CCDC73: variants seen among roughly 807,000 people sequenced by gnomAD.
CCDC73 encodes the protein coiled-coil domain-containing protein 73.
In CCDC73, 95 loss-of-function variants were observed where a neutral mutation model predicts 116.5. The ratio of observed to expected loss-of-function variants is 0.82; its 90% CI spans 0.69 to 0.97. The LOEUF is 0.97. Among genes scored for constraint, CCDC73 ranks in the 50% least tolerant of loss-of-function variants. The pLI is 0.00. For synonymous variants in CCDC73, 398 were observed against 401.3 expected (o/e 0.99, Z 0.10); for missense variants, 1,066 against 1,206.8 (o/e 0.88, Z 1.73).
upstream of CCDC73, among the ~76,000 whole-genome samples, chr11:32,794,830 A>C (rs946678308): frequency 1.3e-5 from 2 of 151,656 alleles, no homozygotes; most frequent in Admixed American, 6.6e-5. Context: ...GTATTGGCTT[A>C]TATATTCTTT....
At chr11:32,625,893 G>C (rs1047402233) in intron 14 of CCDC73, among the ~76,000 whole-genome samples, 2 of 149,108 alleles carry the variant, frequency 1.3e-5, no homozygotes, top group East Asian at 3.9e-4. Flanking sequence ...GGCAAAAACT[G>C]GAAGCATTCC....
the CCDC73 span, among the ~76,000 whole-genome samples, chr11:32,812,210 G>A: frequency 6.6e-6 from 1 of 152,184 alleles, no homozygotes; most frequent in Non-Finnish European, 1.5e-5. Context: ...CTCATCAACA[G>A]TAGTTTTATT....
chr11:32,641,947 A>G, intron 13 of CCDC73, 25 bp downstream of exon 13: 1 of 1,364,888 alleles, frequency 7.3e-7, no homozygotes, highest in Middle Eastern at 2.6e-4. Context: ...AAATATTTTA[A>G]TATTTTTCTA....
At chr11:32,604,760 CT>C (rs1855323743) in intron 17 of CCDC73, 1 of 152,124 alleles carries the variant, frequency 6.6e-6, no homozygotes, top group Non-Finnish European at 1.5e-5. Context: ...TCTTTGGGTA[CT>C]GCCTTACATT....
intron 2 of CCDC73, among the ~76,000 whole-genome samples, chr11:32,732,867 GC>G (rs544876245): frequency 7.9e-4 from 121 of 152,210 alleles, no homozygotes; most frequent in African/African-American, 2.7e-3. Context: ...CAACTAAGAA[GC>G]AAAATAACCA....
chr11:32,786,313 A>G (rs974945319), intron 1 of CCDC73, among the ~76,000 whole-genome samples: 1 of 148,242 alleles, frequency 6.7e-6, no homozygotes, highest in Non-Finnish European at 1.5e-5. Context: ...ATAGTAATTT[A>G]TAACAATAAA....
chr11:32,700,079 G>C (rs1849799115), intron 5 of CCDC73, among the ~76,000 whole-genome samples: 1 of 151,596 alleles, frequency 6.6e-6, no homozygotes, highest in East Asian at 1.9e-4. Context: ...TTTATCAGTA[G>C]AGCATCCTAC....
chr11:32,629,257 A>C (rs918939825), intron 14 of CCDC73, among the ~76,000 whole-genome samples: 1 of 152,150 alleles, frequency 6.6e-6, no homozygotes, highest in African/African-American at 2.4e-5. Flanking sequence ...GAAATGACCA[A>C]AACTTCTCCA....
intron 9 of CCDC73, among the ~76,000 whole-genome samples, chr11:32,658,030 A>AG (rs1855890219): frequency 1.3e-5 from 2 of 151,796 alleles, no homozygotes; most frequent in South Asian, 4.2e-4. Flanking sequence ...CTTTAAAAAA[A>AG]AAAAAGAAAA....
At chr11:32,633,107 G>C (rs1159906520) in intron 14 of CCDC73, among the ~76,000 whole-genome samples, 1 of 152,160 alleles carries the variant, frequency 6.6e-6, no homozygotes, top group Non-Finnish European at 1.5e-5. Context: ...AGGCTGGAGT[G>C]CAGTGGCACG....
chr11:32,806,239 T>A, the CCDC73 span, among the ~76,000 whole-genome samples: 1 of 152,248 alleles, frequency 6.6e-6, no homozygotes, highest in Non-Finnish European at 1.5e-5. Context: ...TAGCTATTTT[T>A]GTGAAAGCCA....
intron 6 of CCDC73, among the ~76,000 whole-genome samples, chr11:32,697,628 C>T (rs1489128505): frequency 1.3e-5 from 2 of 151,628 alleles, no homozygotes; most frequent in Admixed American, 6.6e-5. Context: ...GGACTAGAGG[C>T]GCCTGCCACC....
chr11:32,616,121 T>A lies in CCDC73; in HGVS notation c.1194A>T (p.Pro398=), dbSNP rs779104283. 1 of 1,572,656 alleles carries A rather than the reference T, an allele frequency of 6.4e-7. No individual in the cohort carries two copies. Among genetic ancestry groups the A allele is most frequent in the African/African-American group, 1.4e-5 (1 of 72,306 alleles). Reference sequence around the variant, plus strand: ...TTTCACTGTTTTCATTATTTACTTCTGGAACATTCTAGTGTAAAATGGAAG... The same window carrying A: ...TTTCACTGTTTTCATTATTTACTTCAGGAACATTCTAGTGTAAAATGGAAG... The part of the protein sequence containing the change: ...FEEDKKFQNV[P]EVNNENSEMS... Residue 398 remains proline (P), a synonymous_variant, in exon 15 of 18, where the codon CCA becomes CCT. Transcript: ENST00000335185.
chr11:32,727,311 A>C (rs749810196), intron 2 of CCDC73, among the ~76,000 whole-genome samples: 2 of 152,128 alleles, frequency 1.3e-5, no homozygotes, highest in Non-Finnish European at 2.9e-5. Context: ...CTCCACTGTA[A>C]ACCTAGTATT....
intron 2 of CCDC73, chr11:32,758,628 C>A: frequency 2.9e-6 from 1 of 339,750 alleles, no homozygotes; most frequent in South Asian, 2.5e-5. Flanking sequence ...TAAAATGAAG[C>A]TTTCTTGGGT....
chr11:32,641,893 T>C, intron 13 of CCDC73, 79 bp downstream of exon 13: 1 of 1,092,884 alleles, frequency 9.2e-7, no homozygotes, highest in Non-Finnish European at 1.2e-6. Flanking sequence ...TTTTGCAATA[T>C]TTTCTTAGCA....
chr11:32,758,518 T>C (rs1850363343), intron 2 of CCDC73: 2 of 459,236 alleles, frequency 4.4e-6, no homozygotes, highest in South Asian at 1.7e-5. Context: ...TGTATGCTAA[T>C]TGTGTCCATG....
At chr11:32,723,910 AGATG>A (rs1385169827) in intron 2 of CCDC73, among the ~76,000 whole-genome samples, 1 of 152,136 alleles carries the variant, frequency 6.6e-6, no homozygotes, top group African/African-American at 2.4e-5. Flanking sequence ...GCTTAAAGAC[AGATG>A]GAAGAAAAAA....
chr11:32,788,516 G>A (rs978194699), intron 1 of CCDC73, among the ~76,000 whole-genome samples: 1 of 146,546 alleles, frequency 6.8e-6, no homozygotes, highest in African/African-American at 2.5e-5. Context: ...GCTCTGTCAT[G>A]AAGGCTGGAG....
Sources: gnomAD v4.1 joint callset for allele counts (sites outside exome capture counted in the v4.1 genomes callset) on GRCh38, gnomAD v4.1.1 for gene constraint, MANE v1.5 for transcripts, NCBI Gene and HGNC (gene_info 2026-07-23, HGNC 2026-07-21) for gene names.